Variants in PLA2G4E observed in about 807,000 individuals in gnomAD.
The protein encoded by PLA2G4E is phospholipase A2 group IVE, also known as cytosolic phospholipase A2 epsilon.
In PLA2G4E, 84 loss-of-function variants were observed where a neutral mutation model predicts 109.1. The observed-to-expected ratio is 0.77, with a 90% CI of 0.65 to 0.92. The LOEUF is 0.92. Ranked by LOEUF, PLA2G4E falls within the 40% of genes least tolerant of loss-of-function variation. The pLI, the probability that PLA2G4E is intolerant of heterozygous loss-of-function variation, is 0.00. For synonymous variants in PLA2G4E, 469 were observed against 436.1 expected (o/e 1.08, Z -0.94); for missense variants, 1,057 against 1,076.6 (o/e 0.98, Z 0.25).
chr15:42,005,015 G>C, intron 4 of PLA2G4E, 37 bp from the exon 5 acceptor site: 2 of 1,607,980 alleles, frequency 1.2e-6, no homozygotes, highest in Non-Finnish European at 1.7e-6. Context: ...TGTGAGTGGC[G>C]TCTGCACATC....
chr15:42,025,119 C>A (rs1337978756), intron 1 of PLA2G4E, among the ~76,000 whole-genome samples: 1 of 151,426 alleles, frequency 6.6e-6, no homozygotes, highest in African/African-American at 2.4e-5. Flanking sequence ...TGGCATGAAT[C>A]CGGGAGGCGG....
chr15:42,010,086 C>T (rs1452399640), intron 2 of PLA2G4E: 1 of 503,856 alleles, frequency 2.0e-6, no homozygotes, highest in Admixed American at 2.1e-5. Flanking sequence ...CACCAGGAAC[C>T]TGCTCAGCCC....
At chr15:42,002,850 G>T (rs2068436298) in intron 5 of PLA2G4E, among the ~76,000 whole-genome samples, 154 bp from the exon 6 acceptor site, 1 of 152,182 alleles carries the variant, frequency 6.6e-6, no homozygotes, top group Non-Finnish European at 1.5e-5. Flanking sequence ...TAGCCTTATA[G>T]GTTGTCAGGG....
chr15:42,013,429 G>A (rs976268052), intron 2 of PLA2G4E, among the ~76,000 whole-genome samples: 4 of 152,222 alleles, frequency 2.6e-5, no homozygotes, highest in Admixed American at 6.5e-5. Context: ...CACAGACTGC[G>A]GGGCAGGTAG....
At chr15:42,007,803 T>C in exon 3 of PLA2G4E, 1 of 1,611,694 alleles carries the variant, frequency 6.2e-7, no homozygotes, top group Non-Finnish European at 8.5e-7. Flanking sequence ...ATGGTCCTTG[T>C]CCTCAGCTTC....
At chr15:42,003,752 G>C (rs775445275) in intron 5 of PLA2G4E, among the ~76,000 whole-genome samples, 37 of 152,214 alleles carry the variant, frequency 2.4e-4, no homozygotes, top group Non-Finnish European at 4.4e-4. Flanking sequence ...TTCTGTTCCC[G>C]GGCTCATCAC....
chr15:42,050,030 G>T (rs116742581), intron 1 of PLA2G4E, among the ~76,000 whole-genome samples: 2 of 152,252 alleles, frequency 1.3e-5, no homozygotes, highest in South Asian at 4.1e-4. Context: ...TCTCTGACTC[G>T]CATGGAATTA....
At chr15:42,033,904 C>T (rs1889160570) in intron 1 of PLA2G4E, among the ~76,000 whole-genome samples, 1 of 152,180 alleles carries the variant, frequency 6.6e-6, no homozygotes, top group Non-Finnish European at 1.5e-5. Context: ...GACACTTCAC[C>T]TCTCTCAACT....
intron 1 of PLA2G4E, among the ~76,000 whole-genome samples, chr15:42,022,345 G>A (rs77732420): frequency 0.028 from 4,216 of 152,230 alleles, 203 homozygotes; most frequent in African/African-American, 0.095. Context: ...GTTTCACCGA[G>A]GTTAATTTTT....
chr15:42,022,584 G>A (rs2068658296), intron 1 of PLA2G4E, among the ~76,000 whole-genome samples: 1 of 151,986 alleles, frequency 6.6e-6, no homozygotes, highest in South Asian at 2.1e-4. Flanking sequence ...CATAAGGAAT[G>A]TGCAACCTAG....
chr15:41,982,276 A>T (rs1452387717), exon 20 of PLA2G4E: 1 of 152,164 alleles, frequency 6.6e-6, no homozygotes, highest in Non-Finnish European at 1.5e-5. Context: ...TGGGCCTGTC[A>T]GTGGCTCCGG....
chr15:42,001,346 G>T, intron 6 of PLA2G4E, 126 bp from the exon 7 acceptor site: 2 of 846,642 alleles, frequency 2.4e-6, no homozygotes, highest in Non-Finnish European at 3.9e-6. Flanking sequence ...TGATGCTGGG[G>T]AATGCAGAAT....
intron 5 of PLA2G4E, among the ~76,000 whole-genome samples, chr15:42,003,843 C>T (rs141510420): frequency 9.2e-5 from 14 of 152,266 alleles, no homozygotes; most frequent in South Asian, 2.1e-4. Context: ...GCACTCTGCC[C>T]GGCCTGAGGC....
chr15:42,043,979 G>A (rs2141078637), intron 1 of PLA2G4E, among the ~76,000 whole-genome samples: 1 of 152,294 alleles, frequency 6.6e-6, no homozygotes, highest in Non-Finnish European at 1.5e-5. Flanking sequence ...AACCGTAAGT[G>A]TACTTGGACC....
intron 1 of PLA2G4E, among the ~76,000 whole-genome samples, chr15:42,036,402 G>A (rs558726123): frequency 6.6e-6 from 1 of 152,212 alleles, no homozygotes. Context: ...CTGGGGATGC[G>A]CTTCTGGGGC....
chr15:42,028,949 A>C (rs1889069705), intron 1 of PLA2G4E, among the ~76,000 whole-genome samples: 2 of 152,128 alleles, frequency 1.3e-5, no homozygotes, highest in Admixed American at 1.3e-4. Flanking sequence ...ACAAGATAAC[A>C]AAGTATAAAC....
chr15:41,999,922 G>T (rs1310092068), exon 9 of PLA2G4E: 2 of 1,608,862 alleles, frequency 1.2e-6, no homozygotes, highest in South Asian at 1.1e-5. Flanking sequence ...CTCACCACAG[G>T]CAGGGTCATC....
At chr15:41,995,110 A>G (rs186733043) in intron 12 of PLA2G4E, among the ~76,000 whole-genome samples, 215 of 152,382 alleles carry the variant, frequency 1.4e-3, no homozygotes, top group African/African-American at 5.0e-3. Context: ...CATACTTAGT[A>G]GCGGGAGAGC....
Position 41,996,144 on chromosome 15 carries a change from C to T in PLA2G4E, c.1111-648G>A, listed in dbSNP as rs113665697. Among the ~76,000 whole-genome samples the T allele has an allele frequency of 6.0e-3, 911 of 152,064 alleles. 11 individuals carry two copies. Among genetic ancestry groups the T allele is most frequent in the African/African-American group, 0.021 (875 of 41,466 alleles). On this transcript the variant is annotated intron_variant, in intron 11 of 19. Coordinates refer to ENST00000399518, the Ensembl canonical transcript of PLA2G4E. The stretch of plus-strand genomic sequence containing the variant: ...GGCAGATTGCTTAAGCCCAGGAGTT[C>T]AAGACCAGCCTGGGCAACATGTAGA...
Sources: allele counts gnomAD v4.1 joint callset (sites outside exome capture counted in the v4.1 genomes callset), GRCh38; gene constraint gnomAD v4.1.1; transcripts MANE v1.5; gene names NCBI Gene and HGNC (gene_info 2026-07-23, HGNC 2026-07-21).